HEMK2: variants seen among roughly 807,000 people sequenced by gnomAD.
HEMK2 encodes the protein HemK methyltransferase 2, ETF1 glutamine and histone H4 lysine.
the HEMK2 span, among the ~76,000 whole-genome samples, chr21:28,790,982 T>C: frequency 2.6e-5 from 4 of 151,904 alleles, no homozygotes; most frequent in South Asian, 2.1e-4. Flanking sequence ...TAAAGTATAA[T>C]AATAAAAAAA....
the HEMK2 span, among the ~76,000 whole-genome samples, chr21:28,858,186 C>A: frequency 3.3e-5 from 5 of 152,174 alleles, no homozygotes; most frequent in Non-Finnish European, 7.4e-5. Context: ...TTGTACATAG[C>A]AAATAGCTAT....
the HEMK2 span, among the ~76,000 whole-genome samples, chr21:28,882,816 G>C: frequency 6.6e-6 from 1 of 152,184 alleles, no homozygotes; most frequent in African/African-American, 2.4e-5. Flanking sequence ...TACGTAGTAT[G>C]ATGGAGCAGT....
chr21:28,767,647 G>A, the HEMK2 span, among the ~76,000 whole-genome samples: 19 of 152,086 alleles, frequency 1.2e-4, no homozygotes, highest in Non-Finnish European at 1.8e-4. Flanking sequence ...ACTGGAATCC[G>A]TTGTAACCAC....
chr21:28,843,244 G>A, the HEMK2 span, among the ~76,000 whole-genome samples: 1 of 152,068 alleles, frequency 6.6e-6, no homozygotes, highest in Non-Finnish European at 1.5e-5. Context: ...AATTTGTAAA[G>A]GAAAAAGGTT....
At chr21:28,883,450 T>C in the HEMK2 span, among the ~76,000 whole-genome samples, 1 of 152,188 alleles carries the variant, frequency 6.6e-6, no homozygotes, top group Non-Finnish European at 1.5e-5. Flanking sequence ...AAATAAAGTT[T>C]GTATTATTAC....
the HEMK2 span, among the ~76,000 whole-genome samples, chr21:28,863,465 T>TATACATAC: frequency 2.0e-4 from 17 of 85,590 alleles, no homozygotes; most frequent in African/African-American, 8.5e-4. Flanking sequence ...TATATATATA[T>TATACATAC]ATATACTTCA....
chr21:28,608,206 T>G, the HEMK2 span, among the ~76,000 whole-genome samples: 15 of 152,160 alleles, frequency 9.9e-5, no homozygotes, highest in Non-Finnish European at 1.8e-4. Flanking sequence ...ACAAACTGAT[T>G]GTCTTTCAGG....
chr21:28,786,736 T>C, the HEMK2 span, among the ~76,000 whole-genome samples: 1 of 151,584 alleles, frequency 6.6e-6, no homozygotes, highest in African/African-American at 2.4e-5. Context: ...GATACATTAA[T>C]ATAAGAAAGA....
At chr21:28,674,801 A>C in the HEMK2 span, 1 of 96,920 alleles carries the variant, frequency 1.0e-5, no homozygotes. Flanking sequence ...TATATAGTGG[A>C]GGCCCTGTTT....
the HEMK2 span, among the ~76,000 whole-genome samples, chr21:28,859,202 G>A: frequency 8.5e-5 from 13 of 152,080 alleles, no homozygotes; most frequent in African/African-American, 2.9e-4. Flanking sequence ...CCCGCAACTT[G>A]GAAAGCTCTT....
the HEMK2 span, among the ~76,000 whole-genome samples, chr21:28,631,576 G>GA: frequency 1.6e-4 from 24 of 151,490 alleles, no homozygotes; most frequent in Admixed American, 9.2e-4. Flanking sequence ...CAAGAAATCA[G>GA]AAAAAAAATG....
At chr21:28,681,260 G>C in the HEMK2 span, among the ~76,000 whole-genome samples, 6 of 152,256 alleles carry the variant, frequency 3.9e-5, no homozygotes. Context: ...ACCAATAAGA[G>C]ACAAACAGAG....
At chr21:28,836,729 G>A in the HEMK2 span, among the ~76,000 whole-genome samples, 1 of 151,834 alleles carries the variant, frequency 6.6e-6, no homozygotes, top group East Asian at 1.9e-4. Flanking sequence ...GAATGGATAA[G>A]AACTCACCAA....
chr21:28,603,073 C>A, the HEMK2 span, among the ~76,000 whole-genome samples: 7 of 152,144 alleles, frequency 4.6e-5, no homozygotes, highest in Non-Finnish European at 1.0e-4. Context: ...GGAGGAAAGC[C>A]CAGCTCCTTG....
chr21:28,721,528 C>T, the HEMK2 span, among the ~76,000 whole-genome samples: 86,758 of 151,836 alleles, frequency 0.57, 28,091 homozygotes, highest in African/African-American at 0.87. Context: ...CACTAGAAAA[C>T]GTTACATGGC....
At chr21:28,761,428 G>A in the HEMK2 span, among the ~76,000 whole-genome samples, 23 of 152,166 alleles carry the variant, frequency 1.5e-4, no homozygotes, top group African/African-American at 5.5e-4. Context: ...TTTGGCCCAT[G>A]AGTCAAAATT....
chr21:28,588,100 A>G, the HEMK2 span, among the ~76,000 whole-genome samples: 1 of 152,256 alleles, frequency 6.6e-6, no homozygotes, highest in Non-Finnish European at 1.5e-5. Context: ...CATAGATTTC[A>G]AAAGACAACT....
chr21:28,824,167 T>C, the HEMK2 span, among the ~76,000 whole-genome samples: 1 of 152,190 alleles, frequency 6.6e-6, no homozygotes, highest in South Asian at 2.1e-4. Context: ...TCAGACCCTC[T>C]GGGGTAAGGG....
the HEMK2 span, among the ~76,000 whole-genome samples, chr21:28,775,565 A>G: frequency 6.6e-6 from 1 of 152,228 alleles, no homozygotes. Flanking sequence ...AGACAAAGGG[A>G]GAACTATCCA....
Sources: allele counts gnomAD v4.1 joint callset (sites outside exome capture counted in the v4.1 genomes callset), GRCh38; gene constraint gnomAD v4.1.1; transcripts MANE v1.5; gene names NCBI Gene and HGNC (gene_info 2026-07-23, HGNC 2026-07-21).